OGT: variants seen among roughly 807,000 people sequenced by gnomAD.
OGT encodes the protein UDP-N-acetylglucosamine--peptide N-acetylglucosaminyltransferase 110 kDa subunit.
In OGT, 3 loss-of-function variants were observed where a neutral mutation model predicts 75.8. The observed-to-expected ratio is 0.04, with a 90% CI of 0.02 to 0.10. The LOEUF is 0.10. Among genes scored for constraint, OGT ranks in the 10% least tolerant of loss-of-function variants. The pLI is 1.00. For missense variants in OGT, 260 were observed against 824.4 expected (o/e 0.32, Z 8.38); for synonymous variants, 257 against 289.7 (o/e 0.89, Z 1.15).
At chrX:71,561,463 C>CAA (rs111787118) in intron 14 of OGT, among the ~76,000 whole-genome samples, 1 of 89,281 alleles carries the variant, frequency 1.1e-5, no homozygotes. Flanking sequence ...CCATCCCTAC[C>CAA]AAAAAAAAAA....
chrX:71,555,137 TGTG>T (rs2040333926), intron 6 of OGT, 50 bp from the exon 7 acceptor site: 35 of 400,850 alleles, frequency 8.7e-5, no homozygotes, highest in African/African-American at 8.0e-4. Context: ...TTACATTTTG[TGTG>T]TGTGTGTGTG....
chrX:71,558,203 G>C (rs912762773), intron 12 of OGT, among the ~76,000 whole-genome samples: 1 of 110,479 alleles, frequency 9.1e-6, no homozygotes. Context: ...TGCCCACCTC[G>C]CCCGGCCAAA....
chrX:71,544,742 A>G, intron 4 of OGT, 107 bp downstream of exon 4: 2 of 609,233 alleles, frequency 3.3e-6, no homozygotes, highest in Non-Finnish European at 5.3e-6. Context: ...AGTCCTTTGA[A>G]ACTGAGGAAA....
At chrX:71,548,067 C>T (rs1468567058) in intron 5 of OGT, 44 bp downstream of exon 5, 1 of 1,156,408 alleles carries the variant, frequency 8.6e-7, no homozygotes, top group African/African-American at 1.8e-5. Context: ...AGTGCTTACG[C>T]ATGTAGTGTT....
intron 21 of OGT, among the ~76,000 whole-genome samples, chrX:71,568,863 A>AAACCAAACAAAC (rs2040434333): frequency 9.4e-6 from 1 of 106,782 alleles, no homozygotes; most frequent in Non-Finnish European, 2.0e-5. Context: ...AACAAACAAA[A>AAACCAAACAAAC]AAAAAACCAA....
chrX:71,547,836 TC>T (rs748407104), intron 4 of OGT, 70 bp from the exon 5 acceptor site: 4 of 1,132,714 alleles, frequency 3.5e-6, no homozygotes, highest in South Asian at 2.1e-5. Context: ...CTTTTTTTTT[TC>T]CCTTTACAAA....
At chrX:71,540,308 G>C (rs771917769) in intron 3 of OGT, among the ~76,000 whole-genome samples, 8 of 112,273 alleles carry the variant, frequency 7.1e-5, no homozygotes, top group Non-Finnish European at 1.5e-4. Context: ...AGTACTGGTA[G>C]AACCTTGCGT....
At chrX:71,551,245 T>C (rs761567273) in intron 5 of OGT, among the ~76,000 whole-genome samples, 5 of 112,329 alleles carry the variant, frequency 4.5e-5, no homozygotes, top group Non-Finnish European at 9.4e-5. Context: ...GACCATAGAG[T>C]AACCCAATAG....
Position 71,562,925 on chromosome X carries a change from G to C in OGT, c.2056G>C (p.Ala686Pro). 1 of 1,209,252 alleles carries C rather than the reference G, an allele frequency of 8.3e-7. No homozygotes were observed. Among genetic ancestry groups the C allele is most frequent in the South Asian group, 1.8e-5 (1 of 56,864 alleles). ...YIITDQETSP[A>P]EVAEQYSEKL... The stretch of plus-strand genomic sequence containing the variant: ...TATCACTGATCAGGAAACTTCGCCA[G>C]CTGAAGTTGCTGAGCAGTATTCCGA... Residue 686 changes from alanine to proline, a missense_variant, in exon 16 of 22, where the codon GCT becomes CCT. Transcript: ENST00000373719.
chrX:71,546,709 T>C (rs1207552055), intron 4 of OGT: 1 of 750,235 alleles, frequency 1.3e-6, no homozygotes, highest in Non-Finnish European at 1.6e-6. Flanking sequence ...TAACTCTTCT[T>C]GTTGTTCATT....
At chrX:71,544,961 G>A (rs1332375728) in intron 4 of OGT, 3 of 227,137 alleles carry the variant, frequency 1.3e-5, no homozygotes, top group Non-Finnish European at 2.4e-5. Context: ...CAAGCAGAGC[G>A]CCTGTGATTT....
chrX:71,533,143 C>T lies in OGT; in HGVS notation c.-157C>T, dbSNP rs935227212. 5 of 503,909 alleles carry T rather than the reference C, an allele frequency of 9.9e-6. No homozygotes were observed. In the Admixed American group the frequency reaches 1.5e-4, roughly 15 times the overall value. The allele number at this position is 503,909 out of a possible 1,213,427, so 41.5% of individuals were successfully genotyped here. On this transcript the variant is annotated 5_prime_UTR_variant, in exon 1 of 22. Coordinates refer to ENST00000373719, the MANE Select transcript of OGT (RefSeq NM_181672.3). ...CTAGGTAGATGGTCAATTAGAGTTCCCAGGGTTTGAAGCCTGTAACTGCTG... is the reference window on the plus strand; with the variant it reads ...CTAGGTAGATGGTCAATTAGAGTTCTCAGGGTTTGAAGCCTGTAACTGCTG...
intron 1 of OGT, among the ~76,000 whole-genome samples, chrX:71,535,629 A>G (rs2040170014): frequency 8.9e-6 from 1 of 111,867 alleles, no homozygotes; most frequent in Admixed American, 9.5e-5. Context: ...GAAATATACA[A>G]AAATTGATAT....
intron 2 of OGT, among the ~76,000 whole-genome samples, chrX:71,537,363 G>A (rs747588544): frequency 2.0e-4 from 22 of 109,923 alleles, no homozygotes; most frequent in South Asian, 1.2e-3. Flanking sequence ...GTGCAGTGGC[G>A]CAATCTCAGC....
chrX:71,547,679 G>A, intron 4 of OGT: 1 of 1,044,640 alleles, frequency 9.6e-7, no homozygotes, highest in Non-Finnish European at 1.2e-6. Flanking sequence ...ATGGTGGTTT[G>A]CACTTGGGTT....
At chrX:71,573,432 G>A (rs1195324636) in intron 21 of OGT, among the ~76,000 whole-genome samples, 188 bp from the exon 22 acceptor site, 1 of 112,109 alleles carries the variant, frequency 8.9e-6, no homozygotes, top group Non-Finnish European at 1.9e-5. Flanking sequence ...ATGGAGTTGA[G>A]CTCATTTCAG....
At chrX:71,553,751 A>G (rs1449918150) in intron 5 of OGT, 2 of 112,080 alleles carry the variant, frequency 1.8e-5, no homozygotes, top group Non-Finnish European at 3.8e-5. Context: ...AAGTACTGGG[A>G]TTACATGTGT....
At chrX:71,573,376 C>T (rs1222306181) in intron 21 of OGT, among the ~76,000 whole-genome samples, 1 of 111,722 alleles carries the variant, frequency 9.0e-6, no homozygotes, top group Non-Finnish European at 1.9e-5. Context: ...GCGTGGTATC[C>T]CTTGGATATA....
intron 4 of OGT, chrX:71,547,261 G>A (rs2040266862): frequency 2.7e-6 from 2 of 751,914 alleles, no homozygotes; most frequent in African/African-American, 4.6e-5. Context: ...TAGTTTTGAT[G>A]TTAGTGAGGA....
Sources: allele counts gnomAD v4.1 joint callset (sites outside exome capture counted in the v4.1 genomes callset), GRCh38; gene constraint gnomAD v4.1.1; transcripts MANE v1.5; gene names NCBI Gene and HGNC (gene_info 2026-07-23, HGNC 2026-07-21).